The following TRPC3 variants were observed in gnomAD, a reference collection of about 807,000 sequenced individuals.
TRPC3 encodes short transient receptor potential channel 3.
Under a neutral mutation model 90.9 loss-of-function variants are expected in TRPC3, and 54 were observed. That is an observed-to-expected ratio of 0.59 (90% CI 0.48 to 0.75). TRPC3 has a LOEUF of 0.75. Among genes scored for constraint, TRPC3 ranks in the 30% least tolerant of loss-of-function variants. The pLI, the probability that TRPC3 is intolerant of heterozygous loss-of-function variation, is 0.00. For missense variants in TRPC3, 918 were observed against 1,194.5 expected, an observed-to-expected ratio of 0.77 and a Z score of 3.41; for synonymous variants, 424 against 450.9, an observed-to-expected ratio of 0.94 and a Z score of 0.75.
At chr4:121,938,092 T>C (rs1304773958) in intron 1 of TRPC3, among the ~76,000 whole-genome samples, 1 of 151,764 alleles carries the variant, frequency 6.6e-6, no homozygotes. Flanking sequence ...CGTTCATAGA[T>C]AGTACAGTCA....
At chr4:121,881,228 C>T (rs1160888989) in intron 11 of TRPC3, among the ~76,000 whole-genome samples, 1 of 152,070 alleles carries the variant, frequency 6.6e-6, no homozygotes, top group Non-Finnish European at 1.5e-5. Context: ...TTTTAGTTTC[C>T]TCATTAATTA....
At chr4:121,893,000 A>G (rs1321169088) in intron 10 of TRPC3, among the ~76,000 whole-genome samples, 1 of 151,894 alleles carries the variant, frequency 6.6e-6, no homozygotes, top group Non-Finnish European at 1.5e-5. Context: ...AGGCACCAGT[A>G]GTCCCAGCTA....
chr4:121,888,826 G>C (rs1728224538), intron 10 of TRPC3, among the ~76,000 whole-genome samples: 1 of 152,122 alleles, frequency 6.6e-6, no homozygotes, highest in Non-Finnish European at 1.5e-5. Flanking sequence ...GTCCACCCCA[G>C]GCTCATGTGT....
chr4:121,930,624 A>C (rs1166655140), intron 2 of TRPC3: 1 of 219,108 alleles, frequency 4.6e-6, no homozygotes, highest in Non-Finnish European at 9.1e-6. Flanking sequence ...CTTTTATAGA[A>C]TCTCTTGCAG....
At chr4:121,914,058 G>A (rs1397912564) in intron 4 of TRPC3, among the ~76,000 whole-genome samples, 2 of 152,174 alleles carry the variant, frequency 1.3e-5, no homozygotes, top group African/African-American at 4.8e-5. Context: ...TGTAATAACT[G>A]GCATGAATAG....
At position 121,910,336 on chromosome 4, in the gene TRPC3, T is replaced by G. The variant is rs1205751080; in HGVS notation, c.1610A>C (p.Tyr537Ser). ...AAGCACATTCCACAACTGCAAAATG[T>G]ATTCCCTAGGTCCTTCCAGCCAGAG... The part of the protein sequence containing the change: ...KELWLEGPRE[Y>S]ILQLWNVLDF... The change falls in exon 6 of 12, where the codon TAC (tyrosine) becomes TCC (serine). Residue 537 changes from tyrosine to serine, a missense_variant. Coordinates refer to ENST00000379645, the MANE Select transcript of TRPC3 (RefSeq NM_001130698.2). 1 of 1,613,684 alleles carries G rather than the reference T, an allele frequency of 6.2e-7. No homozygotes were observed. Among genetic ancestry groups the G allele is most frequent in the Non-Finnish European group, 8.5e-7 (1 of 1,179,786 alleles).
chr4:121,902,854 T>C lies in TRPC3; in HGVS notation c.2461A>G (p.Arg821Gly), dbSNP rs754469967. The change falls in exon 9 of 12, where the codon AGG becomes GGG. Residue 821 changes from arginine (R) to glycine (G), a missense_variant and splice_region_variant. By Grantham distance (125) the Arg-to-Gly change is moderately radical. Around this residue, in one of 4 missense-constraint regions of TRPC3, gnomAD observed 121 missense variants for 135.7 expected, o/e 0.89. Coordinates refer to ENST00000379645, the MANE Select transcript of TRPC3 (RefSeq NM_001130698.2). ...IEMGMGNSKS[R>G]LNLFTQSNSR... ...CTTGGTAAGTTTTCGATACCTACCC[T>C]GGACTTTGAGTTACCCATTCCCATT... 1 of 1,604,518 alleles carries C rather than the reference T, an allele frequency of 6.2e-7. No homozygotes were observed. Among genetic ancestry groups the C allele is most frequent in the South Asian group, 1.1e-5 (1 of 88,930 alleles).
chr4:121,932,607 G>C lies in TRPC3; in HGVS notation c.651C>G (p.Asp217Glu). ...TLSPCEQELQ[D>E]DDFYAYDEDG... Reference sequence around the variant, plus strand: ...CCTCGTCGTAAGCGTAGAAGTCGTCGTCCTGCAGCTCCTGCTCACAGGGGC... The same window carrying C: ...CCTCGTCGTAAGCGTAGAAGTCGTCCTCCTGCAGCTCCTGCTCACAGGGGC... Residue 217 changes from aspartate (D) to glutamate (E), a missense_variant, in exon 2 of 12, where the codon GAC (aspartate) becomes GAG (glutamate). Asp to Glu is a conservative substitution (Grantham distance 45, BLOSUM62 2). This residue lies in a region of TRPC3 where 609 missense variants were observed against 725.9 expected (regional missense o/e 0.84). Coordinates refer to ENST00000379645, the MANE Select transcript of TRPC3 (RefSeq NM_001130698.2). The surrounding 1 kb of genome is among the most constrained non-coding windows in gnomAD (Gnocchi z 7.7). The C allele has an allele frequency of 6.2e-7, 1 of 1,613,922 alleles. No homozygotes were observed. The highest frequency in any genetic ancestry group is 8.5e-7 in the Non-Finnish European group (1 of 1,179,860).
chr4:121,876,666 AT>A lies in TRPC3; in HGVS notation c.*3069del, dbSNP rs1405601135. 2.0e-5 allele frequency among the ~76,000 whole-genome samples: 3 copies of A among 152,156 alleles called. No individual in the cohort carries two copies. The highest frequency in any genetic ancestry group is 4.4e-5 in the Non-Finnish European group (3 of 68,022). The stretch of plus-strand genomic sequence containing the variant: ...ATCACAACATATCATTTTTGTTTTT[AT>A]TGTGCATAAACTCTGTAAAGATACT... On this transcript the variant is annotated 3_prime_UTR_variant, in exon 12 of 12. Coordinates refer to ENST00000379645, the MANE Select transcript of TRPC3 (RefSeq NM_001130698.2).
At chr4:121,907,712 G>C in intron 6 of TRPC3, 145 bp from the exon 7 acceptor site, 1 of 870,378 alleles carries the variant, frequency 1.1e-6, no homozygotes, top group Non-Finnish European at 1.7e-6. Context: ...TAACTGTCCA[G>C]GGACTATTTT....
In TRPC3 at chr4:121,890,856, G is replaced by A. The variant is rs1262922127; in HGVS notation, c.2548-8427C>T. On this transcript the variant is annotated intron_variant, in intron 10 of 11. Coordinates refer to ENST00000379645, the MANE Select transcript of TRPC3 (RefSeq NM_001130698.2). ...AAAATACAAAAATTGACCAGGTGTG[G>A]TGGCGGCACCTGTAGTCCCAGCTAC... Among the ~76,000 whole-genome samples, 3 of 151,884 alleles carry A rather than the reference G, an allele frequency of 2.0e-5. No homozygotes were observed. The East Asian group carries it at 5.8e-4, about 29-fold the overall frequency.
rs868507778 is a variant in TRPC3, at chr4:121,910,193, C to T, written c.1753G>A (p.Glu585Lys). 6.2e-7 allele frequency: 1 copy of T among 1,613,654 alleles called. No homozygotes were observed. Among genetic ancestry groups the T allele is most frequent in the Non-Finnish European group, 8.5e-7 (1 of 1,179,708 alleles). ...DSYVQESDLS[E>K]VTLPPEIQYF... ...TGTATCTCTGGTGGGAGTGTCACTT[C>T]ACTGAGGTCACTCTCTTGGACGTAA... Residue 585 changes from glutamate to lysine, a missense_variant, in exon 6 of 12, where the codon GAA becomes AAA. Coordinates refer to ENST00000379645, the MANE Select transcript of TRPC3 (RefSeq NM_001130698.2).
intron 2 of TRPC3, among the ~76,000 whole-genome samples, chr4:121,930,072 G>A (rs1394532564): frequency 6.6e-6 from 1 of 152,000 alleles, no homozygotes; most frequent in Non-Finnish European, 1.5e-5. Flanking sequence ...CCTGACAGAC[G>A]GACATGAACA....
intron 10 of TRPC3, among the ~76,000 whole-genome samples, chr4:121,888,823 C>A (rs188414489): frequency 6.6e-6 from 1 of 152,130 alleles, no homozygotes; most frequent in Non-Finnish European, 1.5e-5. Flanking sequence ...TTTGTCCACC[C>A]CAGGCTCATG....
intron 3 of TRPC3, among the ~76,000 whole-genome samples, chr4:121,922,744 T>C (rs1383540120): frequency 2.0e-5 from 3 of 152,186 alleles, no homozygotes; most frequent in African/African-American, 7.2e-5. Flanking sequence ...TGTGTGAATA[T>C]ATGTCTAGAC....
At chr4:121,913,483 G>GAGCCAT (rs1401780686) in intron 4 of TRPC3, among the ~76,000 whole-genome samples, 1 of 152,134 alleles carries the variant, frequency 6.6e-6, no homozygotes. Context: ...ACTGTTAGTT[G>GAGCCAT]TACTTGTAAA....
chr4:121,885,514 G>C (rs1728085112), intron 10 of TRPC3, among the ~76,000 whole-genome samples: 1 of 152,114 alleles, frequency 6.6e-6, no homozygotes, highest in East Asian at 1.9e-4. Flanking sequence ...TCTGTGTAAT[G>C]GAAATGCTAG....
rs754864506 is a variant in TRPC3 at position 121,932,476 on chromosome 4, C to A, written c.782G>T (p.Arg261Leu). 6.2e-7 allele frequency: 1 copy of A among 1,614,188 alleles called. No homozygotes were observed. Among genetic ancestry groups the A allele is most frequent in the Admixed American group, 1.7e-5 (1 of 60,028 alleles). Residue 261 changes from arginine (R) to leucine (L), a missense_variant, in exon 2 of 12, where the codon CGG becomes CTG. Around this residue, in one of 4 missense-constraint regions of TRPC3, gnomAD observed 609 missense variants for 725.9 expected, o/e 0.84. Coordinates refer to ENST00000379645, the MANE Select transcript of TRPC3 (RefSeq NM_001130698.2). This position sits in a 1 kb window ranked among gnomAD's most constrained non-coding sequence, Gnocchi z 7.7. ...MLLMKGARIE[R>L]PHDYFCKCGD... The stretch of plus-strand genomic sequence containing the variant: ...GCACTTGCAGAAATAGTCGTGCGGC[C>A]GCTCGATCCTGGCACCCTTCATCAG...
chr4:121,876,101 T>G lies in TRPC3; in HGVS notation c.*3635A>C, dbSNP rs1727754723. Among the ~76,000 whole-genome samples, 1 of 151,772 alleles carries G rather than the reference T, an allele frequency of 6.6e-6. No homozygotes were observed. Among genetic ancestry groups the G allele is most frequent in the Non-Finnish European group, 1.5e-5 (1 of 67,966 alleles). ...ATTTTTTGTAGAGACAGTTTCACCA[T>G]GTTGCCCTGCTGGTCTCGAACTCCT... On this transcript the variant is annotated 3_prime_UTR_variant, in exon 12 of 12. Coordinates refer to ENST00000379645, the MANE Select transcript of TRPC3 (RefSeq NM_001130698.2).
Sources: gnomAD v4.1 joint callset for allele counts (sites outside exome capture counted in the v4.1 genomes callset) on GRCh38, gnomAD v4.1.1 for gene constraint, gnomAD v4.1.1 regional missense constraint, Gnocchi (gnomAD v3.1) non-coding constraint, MANE v1.5 for transcripts, NCBI Gene and HGNC (gene_info 2026-07-23, HGNC 2026-07-21) for gene names.